HPSE2: variants seen among roughly 807,000 people sequenced by gnomAD.
HPSE2 encodes the protein inactive heparanase-2.
Under a neutral mutation model 60.5 loss-of-function variants are expected in HPSE2, and 38 were observed. The ratio of observed to expected loss-of-function variants is 0.63; its 90% CI spans 0.48 to 0.82. The LOEUF is 0.82. Ranked by LOEUF, HPSE2 falls within the 40% of genes least tolerant of loss-of-function variation. The pLI is 0.00. For synonymous variants in HPSE2, 295 were observed against 293.2 expected (o/e 1.01, Z -0.06); for missense variants, 713 against 740.4 (o/e 0.96, Z 0.43).
chr10:99,032,203 G>A (rs368482956), intron 3 of HPSE2, among the ~76,000 whole-genome samples: 16 of 152,262 alleles, frequency 1.1e-4, no homozygotes, highest in African/African-American at 3.6e-4. Flanking sequence ...AGATTCAGCA[G>A]ACACACATTT....
At chr10:99,152,633 T>A (rs1301904694) in intron 2 of HPSE2, among the ~76,000 whole-genome samples, 4 of 152,192 alleles carry the variant, frequency 2.6e-5, no homozygotes, top group East Asian at 1.9e-4. Flanking sequence ...TGAGTAAAGT[T>A]GTTGTAATTT....
At chr10:98,697,961 C>T (rs1261555877) in intron 5 of HPSE2, among the ~76,000 whole-genome samples, 5 of 149,718 alleles carry the variant, frequency 3.3e-5, no homozygotes, top group African/African-American at 7.4e-5. Flanking sequence ...ATATATGCAC[C>T]CAATACAGGA....
chr10:98,734,382 T>C (rs574237354), intron 4 of HPSE2, among the ~76,000 whole-genome samples: 24 of 152,312 alleles, frequency 1.6e-4, no homozygotes, highest in Admixed American at 1.3e-4. Context: ...AGTGGAATTG[T>C]TGGGTTACTT....
intron 3 of HPSE2, among the ~76,000 whole-genome samples, chr10:99,027,789 C>T (rs1957413059): frequency 6.6e-6 from 1 of 151,520 alleles, no homozygotes; most frequent in Non-Finnish European, 1.5e-5. Flanking sequence ...CTCAACAATA[C>T]ATCAGAAAGA....
At chr10:98,808,863 C>G (rs1366440382) in intron 3 of HPSE2, among the ~76,000 whole-genome samples, 2 of 152,134 alleles carry the variant, frequency 1.3e-5, no homozygotes, top group Non-Finnish European at 2.9e-5. Flanking sequence ...CTACATAGCT[C>G]TGAAGTTCCA....
intron 9 of HPSE2, among the ~76,000 whole-genome samples, chr10:98,559,898 G>C (rs1373499362): frequency 2.0e-5 from 3 of 152,100 alleles, no homozygotes; most frequent in African/African-American, 7.2e-5. Context: ...GAGAGTAAAG[G>C]AGACTCTTCC....
chr10:99,032,222 G>A (rs925737102), intron 3 of HPSE2, among the ~76,000 whole-genome samples: 1 of 152,022 alleles, frequency 6.6e-6, no homozygotes, highest in Non-Finnish European at 1.5e-5. Flanking sequence ...TTGCACATAG[G>A]GCAATATTTA....
intron 3 of HPSE2, among the ~76,000 whole-genome samples, chr10:98,903,224 A>G (rs1008564312): frequency 1.3e-5 from 2 of 152,104 alleles, no homozygotes; most frequent in Non-Finnish European, 2.9e-5. Context: ...AATAAGAAAA[A>G]CTATAGAGAT....
At chr10:98,595,081 T>C (rs1255375558) in intron 9 of HPSE2, among the ~76,000 whole-genome samples, 1 of 152,056 alleles carries the variant, frequency 6.6e-6, no homozygotes, top group Non-Finnish European at 1.5e-5. Context: ...TTTTCATCAA[T>C]GTTTTATAGT....
intron 3 of HPSE2, among the ~76,000 whole-genome samples, chr10:99,024,564 C>T (rs1803024649): frequency 6.6e-6 from 1 of 151,954 alleles, no homozygotes. Flanking sequence ...TATCCAAGTA[C>T]AAAAAGGTTA....
chr10:98,531,795 G>A (rs1377183971), intron 9 of HPSE2, among the ~76,000 whole-genome samples: 1 of 152,036 alleles, frequency 6.6e-6, no homozygotes, highest in African/African-American at 2.4e-5. Context: ...TGGTGACTCT[G>A]TATTTCCCCT....
chr10:98,897,149 A>G lies in HPSE2; in HGVS notation c.611-153093T>C, dbSNP rs567495300. Among the ~76,000 whole-genome samples, 19 of 152,288 alleles carry G rather than the reference A, an allele frequency of 1.2e-4. No individual in the cohort carries two copies. The South Asian group carries it at 3.7e-3, about 30-fold the overall frequency. Reference sequence around the variant, plus strand: ...AGCTAAGCTATGAGGATGCAAAGGCATAAGAATTATATAATGGACTTTGGG... The same window carrying G: ...AGCTAAGCTATGAGGATGCAAAGGCGTAAGAATTATATAATGGACTTTGGG... On this transcript the variant is annotated intron_variant, in intron 3 of 11. Coordinates refer to ENST00000370552, the MANE Select transcript of HPSE2 (RefSeq NM_021828.5).
the HPSE2 span, among the ~76,000 whole-genome samples, chr10:99,246,322 A>G: frequency 6.6e-6 from 1 of 152,236 alleles, no homozygotes; most frequent in African/African-American, 2.4e-5. Context: ...AAGAGGAATA[A>G]GAATATCCTT....
chr10:98,633,173 CTTATGATT>C lies in HPSE2; in HGVS notation c.1098+8666_1098+8673del, dbSNP rs542070626. 2.1e-4 allele frequency among the ~76,000 whole-genome samples: 32 copies of C among 152,140 alleles called. No individual in the cohort carries two copies. In the East Asian group the frequency reaches 4.4e-3, roughly 21 times the overall value. Reference sequence around the variant, plus strand: ...TAAATAGTAAATATATTTTCTCTTTCTTATGATTTTATTTTCTTTCTTTTTATTCCCTT... The same window carrying C: ...TAAATAGTAAATATATTTTCTCTTTCTTATTTTCTTTCTTTTTATTCCCTT... On this transcript the variant is annotated intron_variant, in intron 7 of 11. Coordinates refer to ENST00000370552, the MANE Select transcript of HPSE2 (RefSeq NM_021828.5).
At chr10:99,238,568 T>C (rs1189817474), upstream of HPSE2, among the ~76,000 whole-genome samples, 2 of 152,198 alleles carry the variant, frequency 1.3e-5, no homozygotes, top group African/African-American at 4.8e-5. Flanking sequence ...AAGAAATAAC[T>C]GATATTTAAG....
At chr10:98,731,444 G>C (rs78559063) in intron 4 of HPSE2, among the ~76,000 whole-genome samples, 1 of 152,090 alleles carries the variant, frequency 6.6e-6, no homozygotes, top group Non-Finnish European at 1.5e-5. Flanking sequence ...TGCCAAGAAC[G>C]CAAGGTTGAT....
chr10:98,518,200 T>C (rs944918330), intron 9 of HPSE2, among the ~76,000 whole-genome samples: 1 of 152,190 alleles, frequency 6.6e-6, no homozygotes, highest in Non-Finnish European at 1.5e-5. Context: ...ATAGGGCTTT[T>C]TCAGGGAGAG....
chr10:99,184,521 TCAAAAAAAAAAAAAAAA>T (rs1847898648), intron 2 of HPSE2, among the ~76,000 whole-genome samples: 1 of 10,166 alleles, frequency 9.8e-5, no homozygotes, highest in Admixed American at 1.6e-3. Context: ...CGAGACTGTC[TCAAAAAAAAAAAAAAAA>T]AAAAAAAAAA....
In HPSE2 at chr10:98,717,195, G is replaced by A. The variant is rs868168421; in HGVS notation, c.956+4462C>T. ...CTCTCTCAGCCTTTATAGAATTGAA[G>A]AGAGTTAGGGTCTTGTCCTGGATTA... is the stretch of plus-strand genomic sequence containing the variant. On this transcript the variant is annotated intron_variant, in intron 5 of 11. Coordinates refer to ENST00000370552, the MANE Select transcript of HPSE2 (RefSeq NM_021828.5). Among the ~76,000 whole-genome samples, 21 of 152,174 alleles carry A rather than the reference G, an allele frequency of 1.4e-4. No individual in the cohort carries two copies. The Middle Eastern group carries it at 0.014, about 99-fold the overall frequency.
Sources: allele counts gnomAD v4.1 joint callset (sites outside exome capture counted in the v4.1 genomes callset), GRCh38; gene constraint gnomAD v4.1.1; transcripts MANE v1.5; gene names NCBI Gene and HGNC (gene_info 2026-07-23, HGNC 2026-07-21).